The following NSL1 variants were observed in gnomAD, a reference collection of about 807,000 sequenced individuals.
The protein encoded by NSL1 is NSL1 component of MIS12 kinetochore complex.
In NSL1, 11 loss-of-function variants were observed where a neutral mutation model predicts 25.4. That is an observed-to-expected ratio of 0.43 (90% CI 0.27 to 0.72). NSL1 has a LOEUF of 0.72. Ranked by LOEUF, NSL1 falls within the 30% of genes least tolerant of loss-of-function variation. The probability of loss-of-function intolerance (pLI) is 0.19; values close to 1 mark genes in which losing one functional copy is unlikely to be tolerated. For synonymous variants in NSL1, 118 were observed against 120.6 expected, an observed-to-expected ratio of 0.98 and a Z score of 0.14; for missense variants, 330 against 342.7, an observed-to-expected ratio of 0.96 and a Z score of 0.29.
intron 4 of NSL1, among the ~76,000 whole-genome samples, chr1:212,761,497 G>A (rs112487492): frequency 0.023 from 3,464 of 152,280 alleles, 63 homozygotes; most frequent in South Asian, 0.041. Context: ...AAAATAGCTG[G>A]GTTTGGTGGC....
chr1:212,729,340 G>C lies in NSL1; in HGVS notation c.*9068C>G, dbSNP rs563762131. ...CCCTAACTGACGGCAAATTGCTTGT[G>C]GGCAGGGTCTGTGCCTTGGTTTACA... On this transcript the variant is annotated 3_prime_UTR_variant, in exon 6 of 6. Transcript: ENST00000366977. 6.7e-5 allele frequency: 66 copies of C among 981,892 alleles called. No individual in the cohort carries two copies. In the South Asian group the frequency reaches 2.7e-3, roughly 40 times the overall value. The allele number at this position is 981,892 out of a possible 1,614,324, so 60.8% of individuals were successfully genotyped here.
chr1:212,763,915 C>A, intron 4 of NSL1: 1 of 266,366 alleles, frequency 3.8e-6, no homozygotes, highest in Non-Finnish European at 7.6e-6. Context: ...AAACTATATC[C>A]TAGAACAAAT....
chr1:212,769,972 C>T (rs1413927611), intron 4 of NSL1, among the ~76,000 whole-genome samples: 2 of 152,088 alleles, frequency 1.3e-5, no homozygotes, highest in Non-Finnish European at 2.9e-5. Context: ...CTTGTAAAAA[C>T]ACATACAGAC....
chr1:212,766,242 TG>T lies in NSL1; in HGVS notation c.499+16129del, dbSNP rs542834118. 3.5e-5 allele frequency: 23 copies of T among 651,494 alleles called. No homozygotes were observed. In the African/African-American group the frequency reaches 4.0e-4, roughly 11 times the overall value. 40.4% of individuals were successfully genotyped at this position (651,494 alleles called of 1,614,324 possible). A position where few individuals can be genotyped will look rare whatever the true frequency, so the allele number is the denominator to read the frequency against. ...AATCCACAGCCAACATCATGTTGAA[TG>T]GGGAAAAGTTGAAAGCATTCCCGTT... On this transcript the variant is annotated intron_variant, in intron 4 of 5. Coordinates refer to ENST00000366977, the MANE Select transcript of NSL1 (RefSeq NM_015471.4).
chr1:212,754,864 A>G (rs1410881703), intron 4 of NSL1, among the ~76,000 whole-genome samples: 2 of 152,112 alleles, frequency 1.3e-5, no homozygotes, highest in East Asian at 1.9e-4. Flanking sequence ...AATGATGGGA[A>G]GCAGATAATG....
chr1:212,750,890 G>A (rs1385454061), intron 4 of NSL1, among the ~76,000 whole-genome samples: 22 of 152,048 alleles, frequency 1.4e-4, no homozygotes, highest in African/African-American at 4.8e-5. Context: ...GCAGTGAGCC[G>A]AGATAGCGCC....
In NSL1 at chr1:212,760,467, AGG is replaced by A. The variant is rs2102452961; in HGVS notation, c.500-20868_500-20867del. ...CCTGAGCATACCGTTTGAGGTCCTG[AGG>A]TTCACCCCACTGGCCACTACTGCCG... On this transcript the variant is annotated intron_variant, in intron 4 of 5. Transcript: ENST00000366977. The surrounding 1 kb of genome is among the most constrained non-coding windows in gnomAD (Gnocchi z 4.3). Among the ~76,000 whole-genome samples, 1 of 152,166 alleles carries A rather than the reference AGG, an allele frequency of 6.6e-6. No individual in the cohort carries two copies. The highest frequency in any genetic ancestry group is 1.5e-5 in the Non-Finnish European group (1 of 67,982).
chr1:212,775,651 G>A (rs1243055928), intron 4 of NSL1, among the ~76,000 whole-genome samples: 2 of 150,984 alleles, frequency 1.3e-5, no homozygotes, highest in Non-Finnish European at 2.9e-5. Context: ...GAAAAACTAA[G>A]GGAGTTTACT....
intron 4 of NSL1, among the ~76,000 whole-genome samples, chr1:212,768,330 A>AC (rs1425246961): frequency 1.3e-5 from 2 of 151,450 alleles, no homozygotes; most frequent in African/African-American, 4.8e-5. Context: ...AAAAAAAAAA[A>AC]AAAAAAAAAA....
intron 4 of NSL1, among the ~76,000 whole-genome samples, chr1:212,741,246 A>G (rs946796519): frequency 2.0e-5 from 3 of 152,172 alleles, no homozygotes; most frequent in Non-Finnish European, 4.4e-5. Context: ...TCCTGTGGCA[A>G]TATGGATTCT....
chr1:212,771,434 T>C (rs1028719029), intron 4 of NSL1, among the ~76,000 whole-genome samples: 2 of 152,084 alleles, frequency 1.3e-5, no homozygotes, highest in Admixed American at 6.5e-5. Flanking sequence ...CTTTCAAGAA[T>C]TGGAACAAGA....
Position 212,782,423 on chromosome 1 carries a change from G to T in NSL1, c.448C>A (p.Gln150Lys). The T allele has an allele frequency of 1.2e-6, 2 of 1,602,762 alleles. No homozygotes were observed. The highest frequency in any genetic ancestry group is 2.2e-5 in the South Asian group (2 of 90,854). ...TIKAKQEILKQYHPVVHPLDL... is the reference protein window; with the variant it reads ...TIKAKQEILKKYHPVVHPLDL... ...AGTGGATGTACAACAGGGTGGTACT[G>T]CTTCTAAACATAACATAAATTAAAA... is the stretch of plus-strand genomic sequence containing the variant. Residue 150 changes from glutamine to lysine, a missense_variant, in exon 4 of 6, where the codon CAG (glutamine) becomes AAG (lysine). Coordinates refer to ENST00000366977, the MANE Select transcript of NSL1 (RefSeq NM_015471.4).
intron 4 of NSL1, among the ~76,000 whole-genome samples, chr1:212,757,123 G>C (rs79506872): frequency 0.033 from 4,973 of 152,240 alleles, 249 homozygotes; most frequent in African/African-American, 0.11. Flanking sequence ...GGAGTTGCGA[G>C]TATGAAAGTC....
intron 4 of NSL1, among the ~76,000 whole-genome samples, chr1:212,745,160 C>CAAAA (rs1268799355): frequency 5.9e-5 from 7 of 117,708 alleles, no homozygotes; most frequent in East Asian, 2.6e-4. Flanking sequence ...AACAAACAAA[C>CAAAA]TATATATATA....
chr1:212,727,180 C>A lies in NSL1; in HGVS notation c.*11228G>T. On this transcript the variant is annotated 3_prime_UTR_variant, in exon 6 of 6. Coordinates refer to ENST00000366977, the MANE Select transcript of NSL1 (RefSeq NM_015471.4). ...AGAGCTAGTCCACCAGGCTTGGCTCCTAATGTGTTAAATGGGGGTGAATGG... is the reference window on the plus strand; with the variant it reads ...AGAGCTAGTCCACCAGGCTTGGCTCATAATGTGTTAAATGGGGGTGAATGG... 2 of 1,561,328 alleles carry A rather than the reference C, an allele frequency of 1.3e-6. No individual in the cohort carries two copies. Among genetic ancestry groups the A allele is most frequent in the African/African-American group, 1.4e-5 (1 of 72,560 alleles).
chr1:212,753,391 T>C (rs1659157561), intron 4 of NSL1, among the ~76,000 whole-genome samples: 1 of 152,262 alleles, frequency 6.6e-6, no homozygotes, highest in African/African-American at 2.4e-5. Context: ...AACTTTATTC[T>C]AGCTCTTCCC....
intron 4 of NSL1, chr1:212,782,014 C>T (rs1405003618): frequency 1.9e-6 from 1 of 538,568 alleles, no homozygotes; most frequent in Admixed American, 2.0e-5. Flanking sequence ...CCAGGTGTGA[C>T]ACTATGAGAG....
rs1659408191 is a variant in NSL1, at chr1:212,758,327, G to C, written c.500-18726C>G. 3.9e-5 allele frequency among the ~76,000 whole-genome samples: 6 copies of C among 152,142 alleles called. No homozygotes were observed. The South Asian group carries it at 1.2e-3, about 32-fold the overall frequency. On this transcript the variant is annotated intron_variant, in intron 4 of 5. Coordinates refer to ENST00000366977, the MANE Select transcript of NSL1 (RefSeq NM_015471.4). ...TCTCAAGACACTGCTCATCAACAAT[G>C]AATGTCAGGCATCCAGATTAGAAAG...
At chr1:212,789,952 G>C (rs1014816902) in intron 1 of NSL1, among the ~76,000 whole-genome samples, 6 of 152,122 alleles carry the variant, frequency 3.9e-5, no homozygotes, top group African/African-American at 1.4e-4. Flanking sequence ...AATGACGTAA[G>C]AGTCACTATA....
Sources: gnomAD v4.1 joint callset for allele counts (sites outside exome capture counted in the v4.1 genomes callset) on GRCh38, gnomAD v4.1.1 for gene constraint, Gnocchi (gnomAD v3.1) non-coding constraint, MANE v1.5 for transcripts, NCBI Gene and HGNC (gene_info 2026-07-23, HGNC 2026-07-21) for gene names.